The following CFAP20DC variants were observed in gnomAD, a reference collection of about 807,000 sequenced individuals.
The protein encoded by CFAP20DC is protein CFAP20DC.
CFAP20DC carries 84 observed loss-of-function variants against 101.7 expected under a neutral mutation model. That is an observed-to-expected ratio of 0.83 (90% CI 0.69 to 0.99). The LOEUF is 0.99. Ranked by LOEUF, CFAP20DC falls within the 50% of genes least tolerant of loss-of-function variation. The pLI is 0.00. For synonymous variants in CFAP20DC, 359 were observed against 351.2 expected (o/e 1.02, Z -0.25); for missense variants, 1,007 against 970.3 (o/e 1.04, Z -0.50).
At chr3:58,806,367 T>A (rs1312974979) in intron 15 of CFAP20DC, 28 bp downstream of exon 15, 1 of 1,458,960 alleles carries the variant, frequency 6.9e-7, no homozygotes, top group Non-Finnish European at 9.6e-7. Context: ...TTTTTTTTTC[T>A]TAAATGTAGA....
rs752892511 is a variant in CFAP20DC at position 58,884,532 on chromosome 3, C to T, written c.715+13G>A. On this transcript the variant is annotated intron_variant, in intron 7 of 16. Transcript: ENST00000482387. ...ACATATTACACTTATAATTTAGGTG[C>T]CTGAGTGTCTACCTGATTCTGCTGA... 1.6e-5 allele frequency: 26 copies of T among 1,612,430 alleles called. No individual in the cohort carries two copies. The highest frequency in any genetic ancestry group is 2.7e-5 in the African/African-American group (2 of 74,866).
In CFAP20DC at chr3:58,859,360, A is replaced by G. The variant is rs2079070993; in HGVS notation, c.1593+4198T>C. Among the ~76,000 whole-genome samples the G allele has an allele frequency of 6.6e-6, 1 of 152,216 alleles. No individual in the cohort carries two copies. The highest frequency in any genetic ancestry group is 1.5e-5 in the Non-Finnish European group (1 of 68,026). On this transcript the variant is annotated intron_variant, in intron 12 of 16. Transcript: ENST00000482387. This position sits in a 1 kb window ranked among gnomAD's most constrained non-coding sequence, Gnocchi z 4.1. ...CTTTTCTAATTTTTCAAGGCAAAAC[A>G]TATTTTTCTATAAGTTAGACTTCAT...
chr3:58,777,954 C>G (rs2071484817), intron 15 of CFAP20DC, among the ~76,000 whole-genome samples: 2 of 152,216 alleles, frequency 1.3e-5, no homozygotes, highest in Non-Finnish European at 2.9e-5. Flanking sequence ...AAACTGTGTC[C>G]TACTCTGCCA....
intron 4 of CFAP20DC, among the ~76,000 whole-genome samples, chr3:58,980,946 T>C (rs949298843): frequency 6.6e-6 from 1 of 152,150 alleles, no homozygotes; most frequent in Non-Finnish European, 1.5e-5. Context: ...TGATTGTATA[T>C]CTAGAAAACC....
At chr3:58,985,674 T>C (rs1559945105) in intron 4 of CFAP20DC, among the ~76,000 whole-genome samples, 1 of 152,208 alleles carries the variant, frequency 6.6e-6, no homozygotes, top group Non-Finnish European at 1.5e-5. Context: ...TTTTTACTTG[T>C]TCTATGAAAC....
intron 14 of CFAP20DC, among the ~76,000 whole-genome samples, chr3:58,823,645 T>C (rs924076068): frequency 6.6e-6 from 1 of 152,054 alleles, no homozygotes; most frequent in Non-Finnish European, 1.5e-5. Context: ...CCAGGCAGTC[T>C]GAGTCCACAG....
intron 15 of CFAP20DC, among the ~76,000 whole-genome samples, chr3:58,790,090 T>C (rs1559593434): frequency 1.3e-5 from 2 of 152,164 alleles, no homozygotes; most frequent in South Asian, 4.1e-4. Context: ...GCACAAATCA[T>C]AGCTGTATGG....
intron 7 of CFAP20DC, among the ~76,000 whole-genome samples, chr3:58,877,289 G>T (rs1300401559): frequency 1.3e-5 from 2 of 152,170 alleles, no homozygotes; most frequent in African/African-American, 4.8e-5. Flanking sequence ...CCTTCAAAGA[G>T]CTCACAGTCT....
chr3:58,893,756 A>C (rs1213962211), intron 6 of CFAP20DC, among the ~76,000 whole-genome samples: 1 of 148,398 alleles, frequency 6.7e-6, no homozygotes, highest in Non-Finnish European at 1.5e-5. Flanking sequence ...GTGTGAATCC[A>C]TCTGTTCCTG....
In CFAP20DC at chr3:58,956,295, G is replaced by A. The variant is rs141069227; in HGVS notation, c.279-18533C>T. Among the ~76,000 whole-genome samples, 7 of 151,958 alleles carry A rather than the reference G, an allele frequency of 4.6e-5. No homozygotes were observed. The East Asian group carries it at 1.4e-3, about 30-fold the overall frequency. ...TGAATCTTCCCTAGGCCAGAGGGGA[G>A]CCCATTTTCCTGGAGGGTGAGTCCC... On this transcript the variant is annotated intron_variant, in intron 4 of 16. Coordinates refer to ENST00000482387, the MANE Select transcript of CFAP20DC (RefSeq NM_001394063.1).
intron 12 of CFAP20DC, among the ~76,000 whole-genome samples, chr3:58,855,967 C>T (rs1403376888): frequency 6.8e-6 from 1 of 147,128 alleles, no homozygotes; most frequent in African/African-American, 2.5e-5. Context: ...CACATGTACC[C>T]TAAAACTTAA....
At chr3:58,935,521 C>G (rs891852916) in intron 5 of CFAP20DC, among the ~76,000 whole-genome samples, 2 of 151,908 alleles carry the variant, frequency 1.3e-5, no homozygotes. Context: ...TGACTTCAAA[C>G]TATACTACAA....
rs2082684749 is a variant in CFAP20DC, at chr3:58,896,584, CTT to C, written c.551-11877_551-11876del. 1.3e-5 allele frequency among the ~76,000 whole-genome samples: 2 copies of C among 152,152 alleles called. 1 individual carries two copies. Among genetic ancestry groups the C allele is most frequent in the South Asian group, 4.1e-4 (2 of 4,834 alleles). ...TCCCAGAAATTCTGCTACATTGTCT[CTT>C]TGTTCTCATTAGTTTCAAAAAACTT... On this transcript the variant is annotated intron_variant, in intron 6 of 16. Coordinates refer to ENST00000482387, the MANE Select transcript of CFAP20DC (RefSeq NM_001394063.1).
At chr3:59,028,234 C>T (rs2093927227) in intron 4 of CFAP20DC, among the ~76,000 whole-genome samples, 1 of 152,088 alleles carries the variant, frequency 6.6e-6, no homozygotes, top group Non-Finnish European at 1.5e-5. Flanking sequence ...AAAGAGGAAT[C>T]AATAAAGAAG....
At chr3:58,883,374 A>G (rs544884581) in intron 7 of CFAP20DC, among the ~76,000 whole-genome samples, 27 of 152,306 alleles carry the variant, frequency 1.8e-4, no homozygotes, top group African/African-American at 6.0e-4. Context: ...TCAACTTCCT[A>G]AAACAGAAGT....
chr3:58,725,337 T>C (rs776473171), intron 3 of CFAP20DC, among the ~76,000 whole-genome samples: 2 of 152,172 alleles, frequency 1.3e-5, no homozygotes, highest in African/African-American at 4.8e-5. Flanking sequence ...TGATCTGAAG[T>C]GGAGCTCTTT....
chr3:58,822,554 A>G (rs1258164299), intron 14 of CFAP20DC, among the ~76,000 whole-genome samples: 2 of 151,862 alleles, frequency 1.3e-5, no homozygotes, highest in African/African-American at 2.4e-5. Flanking sequence ...AACCTGCACA[A>G]TGTGCACATG....
Position 58,971,181 on chromosome 3 carries a change from C to T in CFAP20DC, c.279-33419G>A, listed in dbSNP as rs1382889248. On this transcript the variant is annotated intron_variant, in intron 4 of 16. Coordinates refer to ENST00000482387, the MANE Select transcript of CFAP20DC (RefSeq NM_001394063.1). This position sits in a 1 kb window ranked among gnomAD's most constrained non-coding sequence, Gnocchi z 4.1. ...TTGAGCCTAACAGTACCATCACAAA[C>T]GATCACTTTCTGAAGCTTACCATAA... 1.3e-5 allele frequency among the ~76,000 whole-genome samples: 2 copies of T among 152,132 alleles called. No individual in the cohort carries two copies. The highest frequency in any genetic ancestry group is 2.9e-5 in the Non-Finnish European group (2 of 68,008).
chr3:58,733,284 A>G (rs2067681823), intron 3 of CFAP20DC, among the ~76,000 whole-genome samples: 1 of 152,194 alleles, frequency 6.6e-6, no homozygotes, highest in African/African-American at 2.4e-5. Context: ...GTGAGCCAAG[A>G]TTGCGCCACT....
Sources: allele counts gnomAD v4.1 joint callset (sites outside exome capture counted in the v4.1 genomes callset), GRCh38; gene constraint gnomAD v4.1.1; non-coding constraint Gnocchi (gnomAD v3.1); transcripts MANE v1.5; gene names NCBI Gene and HGNC (gene_info 2026-07-23, HGNC 2026-07-21).